LPP: variants seen among roughly 807,000 people sequenced by gnomAD.
The protein encoded by LPP is LIM domain containing preferred translocation partner in lipoma, also known as lipoma-preferred partner.
A neutral mutation model predicts 60.4 loss-of-function variants in LPP; 38 were observed. The observed-to-expected ratio is 0.63, with a 90% CI of 0.49 to 0.83. LPP has a LOEUF of 0.83. Among genes scored for constraint, LPP ranks in the 40% least tolerant of loss-of-function variants. The pLI, the probability that LPP is intolerant of heterozygous loss-of-function variation, is 0.00. For missense variants in LPP, 902 were observed against 783.6 expected, an observed-to-expected ratio of 1.15 and a Z score of -1.80; for synonymous variants, 328 against 290.8, an observed-to-expected ratio of 1.13 and a Z score of -1.30.
At position 188,878,759 on chromosome 3, in the gene LPP, T is replaced by TAAAA. The variant is rs11448997; in HGVS notation, c.*4293_*4296dup. On this transcript the variant is annotated 3_prime_UTR_variant, in exon 12 of 12. Transcript: ENST00000617246. ...ATATACTCACCAAAAAGTAAAAAAGTAAAAAAAAAAAAAAAAGAAAGAAAG... is the reference window on the plus strand; with the variant it reads ...ATATACTCACCAAAAAGTAAAAAAGTAAAAAAAAAAAAAAAAAAAAGAAAGAAAG... 0.032 allele frequency: 4,996 copies of TAAAA among 156,124 alleles called. 69 individuals are homozygous for TAAAA. The highest frequency in any genetic ancestry group is 0.039 in the Non-Finnish European group (3,064 of 77,686). The allele number at this position is 156,124 out of a possible 1,614,324, so 9.7% of individuals were successfully genotyped here.
chr3:188,351,635 C>A (rs1765871346), intron 3 of LPP, among the ~76,000 whole-genome samples: 1 of 152,174 alleles, frequency 6.6e-6, no homozygotes, highest in African/African-American at 2.4e-5. Context: ...CTAGAATTCC[C>A]ATTCCTCCAT....
intron 2 of LPP, among the ~76,000 whole-genome samples, chr3:188,337,830 T>G (rs1404628783): frequency 2.6e-5 from 4 of 152,268 alleles, no homozygotes; most frequent in African/African-American, 9.6e-5. Context: ...TAGTTGTTGA[T>G]TGTTGTTGTG....
intron 3 of LPP, among the ~76,000 whole-genome samples, chr3:188,347,834 C>A (rs927721322): frequency 2.6e-5 from 4 of 152,172 alleles, no homozygotes; most frequent in Non-Finnish European, 5.9e-5. Context: ...AATGGCAGTA[C>A]CTTCACCTTG....
intron 7 of LPP, among the ~76,000 whole-genome samples, chr3:188,626,043 G>T (rs752046770): frequency 1.3e-5 from 2 of 152,060 alleles, no homozygotes; most frequent in African/African-American, 2.4e-5. Flanking sequence ...TGTGTGTTAA[G>T]ATATATTCAC....
chr3:188,598,464 C>T (rs886630199), intron 6 of LPP, among the ~76,000 whole-genome samples: 2 of 151,904 alleles, frequency 1.3e-5, no homozygotes, highest in Admixed American at 6.6e-5. Flanking sequence ...GAAACATTGA[C>T]GGTAACTAGT....
intron 9 of LPP, among the ~76,000 whole-genome samples, chr3:188,863,681 T>G (rs751205453): frequency 6.6e-6 from 1 of 152,222 alleles, no homozygotes; most frequent in African/African-American, 2.4e-5. Context: ...AACTTCATTC[T>G]TGGAACCTTT....
chr3:188,674,517 T>C (rs1857587933), intron 7 of LPP, among the ~76,000 whole-genome samples: 1 of 152,152 alleles, frequency 6.6e-6, no homozygotes, highest in African/African-American at 2.4e-5. Context: ...GGAACCTCAA[T>C]TGGTTTTGTT....
chr3:188,329,262 A>G (rs972212263), intron 2 of LPP, among the ~76,000 whole-genome samples: 1 of 152,134 alleles, frequency 6.6e-6, no homozygotes, highest in Non-Finnish European at 1.5e-5. Flanking sequence ...ACAAGAACCT[A>G]TTGTTACTTA....
intron 9 of LPP, among the ~76,000 whole-genome samples, chr3:188,764,803 C>T (rs1394190842): frequency 6.6e-6 from 1 of 152,164 alleles, no homozygotes; most frequent in Non-Finnish European, 1.5e-5. Flanking sequence ...CAAACCAGTG[C>T]TTTTATTCCC....
chr3:188,859,352 A>G (rs537141271), intron 9 of LPP, among the ~76,000 whole-genome samples: 1 of 152,310 alleles, frequency 6.6e-6, no homozygotes, highest in East Asian at 1.9e-4. Context: ...GATTCTTAAG[A>G]GTCATAGACC....
chr3:188,816,489 C>G (rs1193284079), intron 9 of LPP, among the ~76,000 whole-genome samples: 1 of 152,202 alleles, frequency 6.6e-6, no homozygotes, highest in Admixed American at 6.5e-5. Context: ...GCGTGAGCCA[C>G]CATGCCCGGC....
intron 7 of LPP, among the ~76,000 whole-genome samples, chr3:188,648,081 T>C (rs1851429685): frequency 6.6e-6 from 1 of 152,120 alleles, no homozygotes; most frequent in Admixed American, 6.5e-5. Flanking sequence ...ACTACATAAA[T>C]AGGAAAATTT....
At chr3:188,476,099 A>G (rs1803139987) in intron 4 of LPP, among the ~76,000 whole-genome samples, 1 of 151,938 alleles carries the variant, frequency 6.6e-6, no homozygotes. Flanking sequence ...TACTTGCCCT[A>G]CATTTCATCA....
intron 9 of LPP, among the ~76,000 whole-genome samples, chr3:188,776,306 A>AATGGAT (rs1245689216): frequency 6.6e-6 from 1 of 152,142 alleles, no homozygotes; most frequent in African/African-American, 2.4e-5. Flanking sequence ...GTAGAGTAGG[A>AATGGAT]ATGGATAAGG....
chr3:188,286,432 C>A (rs924139217), intron 2 of LPP, among the ~76,000 whole-genome samples: 1 of 152,152 alleles, frequency 6.6e-6, no homozygotes, highest in Non-Finnish European at 1.5e-5. Context: ...GACCCCAGAA[C>A]CCACTTACTC....
At chr3:188,561,555 C>T (rs943926176) in intron 6 of LPP, among the ~76,000 whole-genome samples, 2 of 152,034 alleles carry the variant, frequency 1.3e-5, no homozygotes, top group African/African-American at 4.8e-5. Flanking sequence ...GATTTTAGAC[C>T]TTCCTTTTCT....
In LPP at chr3:188,448,197, C is replaced by T. The variant is rs192665294; in HGVS notation, c.194-36395C>T. On this transcript the variant is annotated intron_variant, in intron 4 of 11. Transcript: ENST00000617246. ...TAAAACAATTGTACTTGTTGGCAGA[C>T]GTCTTGGGTTCAAGTTATGATTTTG... Among the ~76,000 whole-genome samples, 8 of 152,156 alleles carry T rather than the reference C, an allele frequency of 5.3e-5. No homozygotes were observed. In the East Asian group the frequency reaches 1.2e-3, roughly 22 times the overall value.
chr3:188,698,013 T>C (rs1410477871), intron 7 of LPP, among the ~76,000 whole-genome samples: 1 of 152,220 alleles, frequency 6.6e-6, no homozygotes, highest in Admixed American at 6.5e-5. Context: ...ACCGAAACTC[T>C]GTGCCGTCTT....
intron 4 of LPP, among the ~76,000 whole-genome samples, chr3:188,427,031 T>C (rs1433238848): frequency 6.6e-6 from 1 of 152,214 alleles, no homozygotes; most frequent in Non-Finnish European, 1.5e-5. Flanking sequence ...GTTGATGCAG[T>C]TTCTTCATGG....
Sources: allele counts gnomAD v4.1 joint callset (sites outside exome capture counted in the v4.1 genomes callset), GRCh38; gene constraint gnomAD v4.1.1; transcripts MANE v1.5; gene names NCBI Gene and HGNC (gene_info 2026-07-23, HGNC 2026-07-21).